UBE2C: variants seen among roughly 807,000 people sequenced by gnomAD.
The protein encoded by UBE2C is ubiquitin-conjugating enzyme E2 C.
A neutral mutation model predicts 23.5 loss-of-function variants in UBE2C; 16 were observed. The ratio of observed to expected loss-of-function variants is 0.68; its 90% CI spans 0.46 to 1.03. The LOEUF (loss-of-function observed/expected upper bound fraction) is 1.03. Among genes scored for constraint, UBE2C ranks in the 50% least tolerant of loss-of-function variants. The pLI is 0.00. For missense variants in UBE2C, 192 were observed against 227.6 expected, an observed-to-expected ratio of 0.84 and a Z score of 1.01; for synonymous variants, 76 against 91.6, an observed-to-expected ratio of 0.83 and a Z score of 0.97.
chr20:45,812,994 C>T (rs1982068069), intron 1 of UBE2C, 198 bp downstream of exon 1: 1 of 1,430,344 alleles, frequency 7.0e-7, no homozygotes, highest in African/African-American at 1.4e-5. Context: ...GGGACTCCCA[C>T]CTCCTTGCGC....
chr20:45,816,000 C>T (rs1982513875), intron 5 of UBE2C, 87 bp downstream of exon 5: 4 of 1,507,052 alleles, frequency 2.7e-6, no homozygotes, highest in Non-Finnish European at 3.6e-6. Context: ...TGACTTGGGA[C>T]CGGGTTGGTT....
intron 2 of UBE2C, among the ~76,000 whole-genome samples, chr20:45,813,898 A>G (rs1458202002): frequency 6.6e-6 from 1 of 152,114 alleles, no homozygotes; most frequent in Non-Finnish European, 1.5e-5. Flanking sequence ...TGAGGTCAGG[A>G]GTTCGAGACC....
At chr20:45,816,014 G>C (rs1024601998) in intron 5 of UBE2C, 101 bp downstream of exon 5, 14 of 1,315,646 alleles carry the variant, frequency 1.1e-5, no homozygotes, top group Non-Finnish European at 1.4e-5. Context: ...GTTGGTTGGG[G>C]CAGGGTGGAG....
rs1425254653 is a variant in UBE2C at position 45,813,417 on chromosome 20, C to A, written c.102-20C>A. 1 of 1,613,978 alleles carries A rather than the reference C, an allele frequency of 6.2e-7. No homozygotes were observed. The highest frequency in any genetic ancestry group is 2.2e-5 in the East Asian group (1 of 44,886). On this transcript the variant is annotated intron_variant, in intron 1 of 5. Transcript: ENST00000356455. ...TGGCCCATCCAGACTCCCAGGTAAC[C>A]CCGAATACTCTTTTTTCAGGCTACA...
intron 1 of UBE2C, 188 bp downstream of exon 1, chr20:45,812,984 G>A: frequency 1.4e-6 from 2 of 1,431,590 alleles, no homozygotes; most frequent in African/African-American, 1.4e-5. Flanking sequence ...GGAGACTTCC[G>A]GGACTCCCAC....
At chr20:45,816,088 T>G (rs1378037677) in intron 5 of UBE2C, among the ~76,000 whole-genome samples, 175 bp downstream of exon 5, 1 of 152,228 alleles carries the variant, frequency 6.6e-6, no homozygotes, top group African/African-American at 2.4e-5. Flanking sequence ...ATAGCAATTG[T>G]TTTATAGCAG....
At chr20:45,815,406 G>C in intron 3 of UBE2C, 135 bp from the exon 4 acceptor site, 1 of 1,607,908 alleles carries the variant, frequency 6.2e-7, no homozygotes. Context: ...GGGAGCATCA[G>C]AACCAGCTCA....
rs770704295 is a variant in UBE2C, at chr20:45,815,641, A to T, written c.317A>T (p.Asn106Ile). 6.2e-6 allele frequency: 10 copies of T among 1,613,934 alleles called. No individual in the cohort carries two copies. In the Admixed American group the frequency reaches 1.5e-4, roughly 24 times the overall value. ...TTCCTCACGCCCTGCTATCACCCCA[A>T]CGTGGACACCCAGGGTAACATATGC... ...VKFLTPCYHP[N>I]VDTQGNICLD... Residue 106 changes from asparagine to isoleucine, a missense_variant, in exon 4 of 6, where the codon AAC (asparagine) becomes ATC (isoleucine). By Grantham distance (149) the Asn-to-Ile change is moderately radical. Coordinates refer to ENST00000356455, the MANE Select transcript of UBE2C (RefSeq NM_007019.4).
rs776975259 is a variant in UBE2C, at chr20:45,812,686, C to T, written c.-10C>T. On this transcript the variant is annotated 5_prime_UTR_variant, in exon 1 of 6. In the 5' UTR this introduces an upstream ATG that the reference lacks. Coordinates refer to ENST00000356455, the MANE Select transcript of UBE2C (RefSeq NM_007019.4). ...CTCCGAGTTCCTGTCTCTCTGCCAA[C>T]GCCGCCCGGATGGCTTCCCAAAACC... 18 of 1,550,890 alleles carry T rather than the reference C, an allele frequency of 1.2e-5. No individual in the cohort carries two copies. Among genetic ancestry groups the T allele is most frequent in the Non-Finnish European group, 1.6e-5 (18 of 1,146,978 alleles).
rs747157804 is a variant in UBE2C, at chr20:45,815,891, C to T, written c.459C>T (p.Ala153=). 2.6e-5 allele frequency: 42 copies of T among 1,613,902 alleles called. No homozygotes were observed. Among genetic ancestry groups the T allele is most frequent in the South Asian group, 9.9e-5 (9 of 91,076 alleles). ...ATAGTCCCTTGAACACACATGCTGC[C>T]GAGCTCTGGAAAAACCCCACAGGTG... ...NIDSPLNTHA[A]ELWKNPTAFK... Residue 153 remains alanine, a synonymous_variant, in exon 5 of 6, where the codon GCC becomes GCT. Transcript: ENST00000356455.
chr20:45,813,549 A>T, intron 2 of UBE2C, 85 bp downstream of exon 2: 1 of 1,579,596 alleles, frequency 6.3e-7, no homozygotes, highest in Non-Finnish European at 8.7e-7. Context: ...TGCTAGACAT[A>T]GGGGTAATGT....
chr20:45,815,775 T>C (rs762337764), intron 4 of UBE2C, 30 bp downstream of exon 4: 3 of 1,611,960 alleles, frequency 1.9e-6, no homozygotes, highest in Non-Finnish European at 2.5e-6. Flanking sequence ...CTCCCCTCCA[T>C]GCAACTTGGG....
intron 1 of UBE2C, chr20:45,813,102 C>T (rs1359244555): frequency 2.1e-6 from 3 of 1,399,226 alleles, no homozygotes; most frequent in Non-Finnish European, 1.8e-6. Flanking sequence ...TGCCAGACTC[C>T]TTCCCTGGTG....
rs142378082 is a variant in UBE2C at position 45,815,865 on chromosome 20, G to A, written c.433G>A (p.Asp145Asn). The A allele has an allele frequency of 1.2e-6, 2 of 1,613,920 alleles. No individual in the cohort carries two copies. Among genetic ancestry groups the A allele is most frequent in the Non-Finnish European group, 1.7e-6 (2 of 1,180,016 alleles). The stretch of plus-strand genomic sequence containing the variant: ...CTCTCCACCCACAGAACCCAACATT[G>A]ATAGTCCCTTGAACACACATGCTGC... ...IQSLLGEPNI[D>N]SPLNTHAAEL... Residue 145 changes from aspartate to asparagine, a missense_variant, in exon 5 of 6, where the codon GAT (aspartate) becomes AAT (asparagine). By Grantham distance (23) the Asp-to-Asn change is conservative. Coordinates refer to ENST00000356455, the MANE Select transcript of UBE2C (RefSeq NM_007019.4).
At chr20:45,815,411 A>G in intron 3 of UBE2C, 130 bp from the exon 4 acceptor site, 2 of 1,609,714 alleles carry the variant, frequency 1.2e-6, no homozygotes, top group Non-Finnish European at 8.5e-7. Context: ...CATCAGAACC[A>G]GCTCAACAGT....
At position 45,815,621 on chromosome 20, in the gene UBE2C, C is replaced by T; in HGVS notation, c.297C>T (p.Leu99=). The T allele has an allele frequency of 1.2e-6, 2 of 1,614,150 alleles. No homozygotes were observed. Among genetic ancestry groups the T allele is most frequent in the Non-Finnish European group, 8.5e-7 (1 of 1,180,024 alleles). The change falls in exon 4 of 6, where the codon CTC becomes CTT. Residue 99 remains leucine, a synonymous_variant. Transcript: ENST00000356455. ...YPYNAPTVKF[L]TPCYHPNVDT... is the part of the protein sequence containing the mutation. The stretch of plus-strand genomic sequence containing the variant: ...ACAATGCGCCCACAGTGAAGTTCCT[C>T]ACGCCCTGCTATCACCCCAACGTGG...
chr20:45,814,346 G>T (rs373419594), intron 2 of UBE2C, 38 bp from the exon 3 acceptor site: 2 of 1,547,928 alleles, frequency 1.3e-6, no homozygotes, highest in African/African-American at 1.4e-5. Context: ...ATGCCCAAAA[G>T]TGTACTCCAC....
intron 2 of UBE2C, among the ~76,000 whole-genome samples, chr20:45,813,831 C>T (rs574366175): frequency 3.9e-5 from 6 of 152,188 alleles, no homozygotes; most frequent in East Asian, 1.9e-4. Flanking sequence ...AGGCTGGGCG[C>T]GGTAGCTCAC....
rs1319994180 is a variant in UBE2C at position 45,814,453 on chromosome 20, C to G, written c.199C>G (p.His67Asp). 3.7e-6 allele frequency: 6 copies of G among 1,609,418 alleles called. No homozygotes were observed. The highest frequency in any genetic ancestry group is 5.1e-6 in the Non-Finnish European group (6 of 1,177,482). Residue 67 changes from histidine (H) to aspartate (D), a missense_variant, in exon 3 of 6, where the codon CAT (histidine) becomes GAT (aspartate). His to Asp is a moderately conservative substitution (Grantham distance 81). Coordinates refer to ENST00000356455, the MANE Select transcript of UBE2C (RefSeq NM_007019.4). ...CCTTTTCAAATGGGTAGGGACCATCCATGGAGCAGCTGGAACAGTAAGTGT... is the reference window on the plus strand; with the variant it reads ...CCTTTTCAAATGGGTAGGGACCATCGATGGAGCAGCTGGAACAGTAAGTGT... The part of the protein sequence containing the change: ...DNLFKWVGTI[H>D]GAAGTVYEDL...
Sources: gnomAD v4.1 joint callset for allele counts (sites outside exome capture counted in the v4.1 genomes callset) on GRCh38, gnomAD v4.1.1 for gene constraint, MANE v1.5 for transcripts, NCBI Gene and HGNC (gene_info 2026-07-23, HGNC 2026-07-21) for gene names.